RNF130: variants seen among roughly 807,000 people sequenced by gnomAD.
The protein encoded by RNF130 is ring finger protein 130, also known as E3 ubiquitin-protein ligase RNF130.
In RNF130, 21 loss-of-function variants were observed where a neutral mutation model predicts 44.6. That is an observed-to-expected ratio of 0.47 (90% CI 0.33 to 0.68). RNF130 has a LOEUF of 0.68. Ranked by LOEUF, RNF130 falls within the 30% of genes least tolerant of loss-of-function variation. The probability of loss-of-function intolerance (pLI) is 0.02; values close to 1 mark genes in which losing one functional copy is unlikely to be tolerated. For synonymous variants in RNF130, 214 were observed against 210.4 expected, an observed-to-expected ratio of 1.02 and a Z score of -0.15; for missense variants, 479 against 560.6, an observed-to-expected ratio of 0.85 and a Z score of 1.47.
chr5:179,928,134 T>A (rs1761732639), intron 7 of RNF130, among the ~76,000 whole-genome samples: 1 of 152,176 alleles, frequency 6.6e-6, no homozygotes, highest in African/African-American at 2.4e-5. Context: ...GCTCTCTGAA[T>A]CTTGCTGTTA....
rs541772950 is a variant in RNF130 at position 180,032,827 on chromosome 5, G to A, written c.442+7626C>T. 4.6e-5 allele frequency among the ~76,000 whole-genome samples: 7 copies of A among 152,180 alleles called. 1 individual carries two copies. Among genetic ancestry groups the A allele is most frequent in the African/African-American group, 1.7e-4 (7 of 41,530 alleles). On this transcript the variant is annotated intron_variant, in intron 2 of 8. Coordinates refer to ENST00000521389, the MANE Select transcript of RNF130 (RefSeq NM_018434.6). ...TACTTTGCATTTCCATATAATTTTAGGATCGGCTTATCAATTTCTACAAAA... is the reference window on the plus strand; with the variant it reads ...TACTTTGCATTTCCATATAATTTTAAGATCGGCTTATCAATTTCTACAAAA...
chr5:179,986,184 A>G (rs1171742443), intron 3 of RNF130, among the ~76,000 whole-genome samples: 1 of 152,252 alleles, frequency 6.6e-6, no homozygotes, highest in African/African-American at 2.4e-5. Flanking sequence ...AGCAAAAAGT[A>G]TAAAGTTTTT....
chr5:180,011,414 G>T (rs1763594166), intron 3 of RNF130, among the ~76,000 whole-genome samples: 1 of 152,172 alleles, frequency 6.6e-6, no homozygotes, highest in African/African-American at 2.4e-5. Context: ...ATATAACAAA[G>T]TATTTAAGGG....
intron 7 of RNF130, among the ~76,000 whole-genome samples, chr5:179,966,556 G>C (rs563378207): frequency 3.9e-4 from 59 of 152,262 alleles, no homozygotes; most frequent in Non-Finnish European, 6.2e-4. Flanking sequence ...ATAAAACAGC[G>C]ACTAAGACAG....
At chr5:180,043,195 C>T (rs895731631) in intron 1 of RNF130, among the ~76,000 whole-genome samples, 2 of 152,202 alleles carry the variant, frequency 1.3e-5, no homozygotes, top group South Asian at 2.1e-4. Flanking sequence ...CATGGTGGCA[C>T]GCACCTGTAG....
chr5:179,921,707 G>A (rs556103191), intron 7 of RNF130, among the ~76,000 whole-genome samples: 148 of 152,258 alleles, frequency 9.7e-4, no homozygotes, highest in African/African-American at 3.4e-3. Flanking sequence ...TGAGGCAGGA[G>A]AATCGCTTGA....
In RNF130 at chr5:179,977,723, G is replaced by T. The variant is rs1421606030; in HGVS notation, c.848+480C>A. ...AAAAATTATCTGGGCATGGTGGTGGGTACCTGTAGTCCCAGCTACTCGGGA... is the reference window on the plus strand; with the variant it reads ...AAAAATTATCTGGGCATGGTGGTGGTTACCTGTAGTCCCAGCTACTCGGGA... On this transcript the variant is annotated intron_variant, in intron 5 of 8. Coordinates refer to ENST00000521389, the MANE Select transcript of RNF130 (RefSeq NM_018434.6). The surrounding 1 kb of genome is among the most constrained non-coding windows in gnomAD (Gnocchi z 4.1). 1.3e-5 allele frequency among the ~76,000 whole-genome samples: 2 copies of T among 152,062 alleles called. No homozygotes were observed. The highest frequency in any genetic ancestry group is 4.8e-5 in the African/African-American group (2 of 41,416).
chr5:180,063,418 T>C (rs1426097713), intron 1 of RNF130, among the ~76,000 whole-genome samples: 2 of 152,196 alleles, frequency 1.3e-5, no homozygotes, highest in African/African-American at 4.8e-5. Flanking sequence ...GATGGCGATG[T>C]CATTTATTGA....
At chr5:180,066,636 G>C (rs776731082) in intron 1 of RNF130, among the ~76,000 whole-genome samples, 9 of 152,108 alleles carry the variant, frequency 5.9e-5, no homozygotes, top group Non-Finnish European at 1.2e-4. Context: ...GGGAGTTCGA[G>C]ACGAGCCTGA....
At chr5:179,962,287 A>G (rs762526127) in intron 8 of RNF130, among the ~76,000 whole-genome samples, 2 of 152,320 alleles carry the variant, frequency 1.3e-5, no homozygotes, top group South Asian at 2.1e-4. Flanking sequence ...TCTTCCAAGT[A>G]TCTAGCCCCA....
At position 179,940,963 on chromosome 5, in the gene RNF130, TA is replaced by T. The variant is rs1414090037; in HGVS notation, c.1151-20538del. Among the ~76,000 whole-genome samples the T allele has an allele frequency of 2.9e-4, 44 of 152,204 alleles. 1 individual carries two copies. The highest frequency in any genetic ancestry group is 2.9e-5 in the Non-Finnish European group (2 of 68,046). On this transcript the variant is annotated intron_variant, in intron 7 of 7. Coordinates refer to the RNF130 transcript ENST00000522208. ...GCATTCCAGTTCATGAATCCTCTCT[TA>T]GCTGTGTTTAAGTTGATGTTAAACT...
intron 7 of RNF130, among the ~76,000 whole-genome samples, chr5:179,947,549 C>G (rs532435351): frequency 6.6e-6 from 1 of 152,330 alleles, no homozygotes; most frequent in East Asian, 1.9e-4. Context: ...GAAATCCAGC[C>G]TCTGCTACTT....
intron 2 of RNF130, among the ~76,000 whole-genome samples, chr5:180,021,414 G>A (rs1763871481): frequency 6.6e-6 from 1 of 151,994 alleles, no homozygotes; most frequent in African/African-American, 2.4e-5. Context: ...ACATCATTAT[G>A]TATCATGAAG....
chr5:180,022,377 C>T (rs1469284457), intron 2 of RNF130, among the ~76,000 whole-genome samples: 1 of 152,164 alleles, frequency 6.6e-6, no homozygotes, highest in Non-Finnish European at 1.5e-5. Context: ...TAACGTTATT[C>T]ATTTTGATGC....
intron 4 of RNF130, among the ~76,000 whole-genome samples, chr5:179,979,223 T>C (rs1762777914): frequency 6.6e-6 from 1 of 151,788 alleles, no homozygotes; most frequent in South Asian, 2.1e-4. Context: ...ATGCAAGCCG[T>C]TTTGATGCTG....
intron 5 of RNF130, among the ~76,000 whole-genome samples, chr5:179,972,453 T>C (rs1424227094): frequency 2.6e-5 from 4 of 152,152 alleles, no homozygotes; most frequent in African/African-American, 4.8e-5. Context: ...GACTGACAGG[T>C]AATGGAAGAC....
At chr5:179,983,148 T>C (rs1762876028) in intron 3 of RNF130, among the ~76,000 whole-genome samples, 1 of 152,222 alleles carries the variant, frequency 6.6e-6, no homozygotes, top group African/African-American at 2.4e-5. Context: ...TGGCAGTTTT[T>C]AATTTGATGA....
chr5:179,953,433 A>G (rs764423739), downstream of RNF130, among the ~76,000 whole-genome samples: 4 of 152,158 alleles, frequency 2.6e-5, no homozygotes, highest in Non-Finnish European at 5.9e-5. Context: ...AAAACTTACT[A>G]TGAAACCAAT....
chr5:179,935,713 C>G (rs1761881062), intron 7 of RNF130, among the ~76,000 whole-genome samples: 3 of 151,860 alleles, frequency 2.0e-5, no homozygotes, highest in African/African-American at 7.3e-5. Context: ...AGTTTTCTCT[C>G]TATTAGTGTA....
Sources: gnomAD v4.1 joint callset for allele counts (sites outside exome capture counted in the v4.1 genomes callset) on GRCh38, gnomAD v4.1.1 for gene constraint, Gnocchi (gnomAD v3.1) non-coding constraint, MANE v1.5 for transcripts, NCBI Gene and HGNC (gene_info 2026-07-23, HGNC 2026-07-21) for gene names.